Variants in ARHGEF2 observed in about 807,000 individuals in gnomAD.
ARHGEF2 encodes rho guanine nucleotide exchange factor 2.
ARHGEF2 carries 22 observed loss-of-function variants against 121.0 expected under a neutral mutation model. The observed-to-expected ratio is 0.18, with a 90% CI of 0.13 to 0.26. The LOEUF (loss-of-function observed/expected upper bound fraction) is 0.26, where lower values mean the gene tolerates loss of function less well. Among genes scored for constraint, ARHGEF2 ranks in the 10% least tolerant of loss-of-function variants. The pLI is 1.00. For missense variants in ARHGEF2, 907 were observed against 1,336.0 expected, an observed-to-expected ratio of 0.68 and a Z score of 5.01; for synonymous variants, 487 against 530.0, an observed-to-expected ratio of 0.92 and a Z score of 1.11.
chr1:155,950,527 G>T lies in ARHGEF2; in HGVS notation c.2704-45C>A. 1 of 1,587,196 alleles carries T rather than the reference G, an allele frequency of 6.3e-7. No homozygotes were observed. Among genetic ancestry groups the T allele is most frequent in the Non-Finnish European group, 8.6e-7 (1 of 1,159,130 alleles). On this transcript the variant is annotated intron_variant, in intron 20 of 21. Coordinates refer to ENST00000361247, the MANE Select transcript of ARHGEF2 (RefSeq NM_001162383.2). The surrounding 1 kb of genome is among the most constrained non-coding windows in gnomAD (Gnocchi z 5.2). ...AGAACAGCAGGTCAGGGACTGAGTA[G>T]TGTGAAGATTGGAGGTTCTGCTTGG...
At chr1:155,978,685 G>T (rs534626838), upstream of ARHGEF2, 1 of 978,480 alleles carries the variant, frequency 1.0e-6, no homozygotes, top group Non-Finnish European at 1.3e-6. This position sits in a 1 kb window ranked among gnomAD's most constrained non-coding sequence, Gnocchi z 4.1. Flanking sequence ...TGTGGGGGCA[G>T]CTCGGAGAGG....
At chr1:155,979,277 C>A, upstream of ARHGEF2, 1 of 985,434 alleles carries the variant, frequency 1.0e-6, no homozygotes, top group Middle Eastern at 5.2e-4. Flanking sequence ...TTACCGAAGG[C>A]CTTCCATGTG....
At chr1:155,970,620 A>G in intron 1 of ARHGEF2, 2 of 985,534 alleles carry the variant, frequency 2.0e-6, no homozygotes, top group Non-Finnish European at 2.4e-6. Flanking sequence ...GGAAGCACTC[A>G]GCCCGGACTC....
intron 1 of ARHGEF2, among the ~76,000 whole-genome samples, chr1:155,972,499 T>C (rs555210685): frequency 5.4e-4 from 82 of 152,256 alleles, no homozygotes; most frequent in African/African-American, 1.9e-3. Context: ...TTCTTTGTCC[T>C]ACTCTTTTCC....
At chr1:155,968,832 C>G (rs951513749) in intron 2 of ARHGEF2, 37 of 226,408 alleles carry the variant, frequency 1.6e-4, no homozygotes, top group Non-Finnish European at 2.0e-4. Context: ...CATTCCTGCT[C>G]CTTCTCCAAT....
At chr1:155,953,242 G>C (rs1046507518) in intron 14 of ARHGEF2, among the ~76,000 whole-genome samples, 18 of 149,798 alleles carry the variant, frequency 1.2e-4, no homozygotes, top group African/African-American at 4.4e-4. Flanking sequence ...CTCCAGCCTG[G>C]GCGACACAGC....
upstream of ARHGEF2, chr1:155,979,433 C>T: frequency 1.5e-6 from 1 of 687,094 alleles, no homozygotes; most frequent in Non-Finnish European, 1.8e-6. Flanking sequence ...GGACCCTTTT[C>T]CCCAGCCTGA....
At position 155,962,155 on chromosome 1, in the gene ARHGEF2, C is replaced by T; in HGVS notation, c.1169G>A (p.Arg390His). 2 of 1,614,156 alleles carry T rather than the reference C, an allele frequency of 1.2e-6. No homozygotes were observed. Among genetic ancestry groups the T allele is most frequent in the African/African-American group, 1.3e-5 (1 of 75,030 alleles). Residue 390 changes from arginine (R) to histidine (H), a missense_variant, in exon 10 of 22, where the codon CGC becomes CAC. By Grantham distance (29) the Arg-to-His change is conservative (BLOSUM62 0). Transcript: ENST00000361247. This position sits in a 1 kb window ranked among gnomAD's most constrained non-coding sequence, Gnocchi z 5.8. ...GATGAGTAACGGGTACTTGGTGATGCGCTGAGTCACCAGCAGGATGCACTC... is the reference window on the plus strand; with the variant it reads ...GATGAGTAACGGGTACTTGGTGATGTGCTGAGTCACCAGCAGGATGCACTC... ...VQECILLVTQ[R>H]ITKYPLLISR...
intron 1 of ARHGEF2, among the ~76,000 whole-genome samples, chr1:155,973,516 C>A (rs1179871427): frequency 6.6e-6 from 1 of 152,062 alleles, no homozygotes. Flanking sequence ...GAGGCCGAGG[C>A]GGGCAGATCA....
At chr1:155,972,549 C>G (rs892449460) in intron 1 of ARHGEF2, among the ~76,000 whole-genome samples, 2 of 152,080 alleles carry the variant, frequency 1.3e-5, no homozygotes, top group Non-Finnish European at 2.9e-5. Context: ...CCCATTTACC[C>G]ACGCCCAAGT....
chr1:155,979,311 C>T (rs547555871), upstream of ARHGEF2: 5 of 985,422 alleles, frequency 5.1e-6, no homozygotes, highest in African/African-American at 8.7e-5. Flanking sequence ...CTCTCTGTTG[C>T]AAGTTAAGCC....
At chr1:155,954,849 C>G in intron 14 of ARHGEF2, 53 bp downstream of exon 14, 1 of 1,507,666 alleles carries the variant, frequency 6.6e-7, no homozygotes, top group Non-Finnish European at 9.2e-7. Context: ...CATAATATTC[C>G]ATTGTGTGAA....
Position 155,962,378 on chromosome 1 carries a change from T to A in ARHGEF2, c.1102-156A>T. ...GGATAACAACGCCACAGGTTTGTTG[T>A]GAGGACCAACTGAAGGAGCAAAAAG... On this transcript the variant is annotated intron_variant, in intron 9 of 21. Transcript: ENST00000361247. This position sits in a 1 kb window ranked among gnomAD's most constrained non-coding sequence, Gnocchi z 5.8. The A allele has an allele frequency of 9.8e-7, 1 of 1,018,978 alleles. No homozygotes were observed. Among genetic ancestry groups the A allele is most frequent in the Non-Finnish European group, 1.4e-6 (1 of 695,846 alleles). The allele number at this position is 1,018,978 out of a possible 1,614,324, so 63.1% of individuals were successfully genotyped here.
At chr1:155,953,769 A>C (rs561726796) in intron 14 of ARHGEF2, among the ~76,000 whole-genome samples, 3 of 151,686 alleles carry the variant, frequency 2.0e-5, no homozygotes, top group East Asian at 3.9e-4. Flanking sequence ...AAAAAAAAGA[A>C]AGAAAGAAAA....
At chr1:155,955,137 T>G (rs1676404237) in intron 13 of ARHGEF2, among the ~76,000 whole-genome samples, 168 bp from the exon 14 acceptor site, 1 of 151,144 alleles carries the variant, frequency 6.6e-6, no homozygotes, top group Admixed American at 6.6e-5. Context: ...TTTTCTTTCT[T>G]TTTTTTTTGA....
At chr1:155,975,640 T>C (rs1019266500) in intron 1 of ARHGEF2, among the ~76,000 whole-genome samples, 5 of 152,022 alleles carry the variant, frequency 3.3e-5, no homozygotes, top group South Asian at 4.1e-4. Context: ...TCCTCTCCAC[T>C]GCACTCCTAG....
At chr1:155,952,048 C>G in intron 16 of ARHGEF2, 62 bp from the exon 17 acceptor site, 1 of 1,613,924 alleles carries the variant, frequency 6.2e-7, no homozygotes, top group African/African-American at 1.3e-5. Context: ...ACCACTTGAT[C>G]CCTGGTACCA....
intron 2 of ARHGEF2, 127 bp downstream of exon 2, chr1:155,969,029 G>A: frequency 8.3e-7 from 1 of 1,204,426 alleles, no homozygotes. Flanking sequence ...ACTGGCCCTG[G>A]CATTTGGGCC....
intron 3 of ARHGEF2, among the ~76,000 whole-genome samples, 158 bp from the exon 4 acceptor site, chr1:155,966,637 C>A (rs1250915539): frequency 6.6e-6 from 1 of 152,116 alleles, no homozygotes; most frequent in Non-Finnish European, 1.5e-5. Context: ...GCTGTGGGGA[C>A]ATGTCTGCAG....
Sources: gnomAD v4.1 joint callset for allele counts (sites outside exome capture counted in the v4.1 genomes callset) on GRCh38, gnomAD v4.1.1 for gene constraint, Gnocchi (gnomAD v3.1) non-coding constraint, MANE v1.5 for transcripts, NCBI Gene and HGNC (gene_info 2026-07-23, HGNC 2026-07-21) for gene names.